The following BNIP5 variants were observed in gnomAD, a reference collection of about 807,000 sequenced individuals.
BNIP5 encodes the protein BCL2 interacting protein 5.
BNIP5 carries 61 observed loss-of-function variants against 67.3 expected under a neutral mutation model. The ratio of observed to expected loss-of-function variants is 0.91; its 90% CI spans 0.74 to 1.12. The LOEUF (loss-of-function observed/expected upper bound fraction) is 1.12, where lower values mean the gene tolerates loss of function less well. Among genes scored for constraint, BNIP5 ranks in the 50% most tolerant of loss-of-function variants. The pLI, the probability that BNIP5 is intolerant of heterozygous loss-of-function variation, is 0.00. For synonymous variants in BNIP5, 317 were observed against 319.0 expected, an observed-to-expected ratio of 0.99 and a Z score of 0.07; for missense variants, 826 against 816.3, an observed-to-expected ratio of 1.01 and a Z score of -0.14.
rs150983234 is a variant in BNIP5, at chr6:36,335,542, C to T, written c.-5+1170G>A. Among the ~76,000 whole-genome samples the T allele has an allele frequency of 4.8e-3, 732 of 152,354 alleles. 3 individuals carry two copies. Among genetic ancestry groups the T allele is most frequent in the African/African-American group, 0.017 (700 of 41,580 alleles). ...TGTGACCAAGCTCACCGCTTGCCATCGGTCCTAACTCTAAATTCCATGAGA... is the reference window on the plus strand; with the variant it reads ...TGTGACCAAGCTCACCGCTTGCCATTGGTCCTAACTCTAAATTCCATGAGA... On this transcript the variant is annotated intron_variant, in intron 1 of 11. Coordinates refer to ENST00000437635, the MANE Select transcript of BNIP5 (RefSeq NM_001010903.5).
intron 11 of BNIP5, among the ~76,000 whole-genome samples, chr6:36,318,019 C>T (rs1424135637): frequency 6.6e-6 from 1 of 152,228 alleles, no homozygotes; most frequent in East Asian, 1.9e-4. Context: ...AGAGAGAGGT[C>T]CATGGTAAGG....
chr6:36,326,278 T>G (rs1429623610), intron 5 of BNIP5, among the ~76,000 whole-genome samples: 1 of 152,218 alleles, frequency 6.6e-6, no homozygotes, highest in Admixed American at 6.5e-5. Context: ...GAACATAATT[T>G]CCATCAAGGG....
At position 36,326,684 on chromosome 6, in the gene BNIP5, C is replaced by G. The variant is rs771547228; in HGVS notation, c.862G>C (p.Glu288Gln). Residue 288 changes from glutamate to glutamine, a missense_variant, in exon 5 of 12, where the codon GAG (glutamate) becomes CAG (glutamine). Transcript: ENST00000437635. ...GTTCTCTTGAGGCTTGTCTTTTTCT[C>G]TTGGGATTTCTTCCTAACAGCTGGT... ...PAPAVRKKSQ[E>Q]KKTSLKRTSK... 1.9e-6 allele frequency: 3 copies of G among 1,614,196 alleles called. No individual in the cohort carries two copies. The highest frequency in any genetic ancestry group is 1.7e-5 in the Admixed American group (1 of 60,022).
rs956823578 is a variant in BNIP5, at chr6:36,317,054, G to A, written c.*302C>T. On this transcript the variant is annotated 3_prime_UTR_variant, in exon 12 of 12. Transcript: ENST00000437635. ...CCTAGACTCCAAAGTCTGGAGAGGA[G>A]GGGGAATGTGTAGAGGGTCATGCAG... 6 of 469,112 alleles carry A rather than the reference G, an allele frequency of 1.3e-5. No individual in the cohort carries two copies. Among genetic ancestry groups the A allele is most frequent in the African/African-American group, 9.9e-5 (5 of 50,268 alleles). 29.1% of individuals were successfully genotyped at this position (469,112 alleles called of 1,614,324 possible). A position where few individuals can be genotyped will look rare whatever the true frequency, so the allele number is the denominator to read the frequency against.
At chr6:36,318,591 A>G (rs555984165) in intron 11 of BNIP5, among the ~76,000 whole-genome samples, 1 of 151,708 alleles carries the variant, frequency 6.6e-6, no homozygotes, top group East Asian at 1.9e-4. Context: ...GCGTGGTGGC[A>G]TGCTCCTGTA....
At chr6:36,333,258 G>A (rs750894688) in intron 1 of BNIP5, among the ~76,000 whole-genome samples, 62 of 152,374 alleles carry the variant, frequency 4.1e-4, no homozygotes, top group Non-Finnish European at 6.8e-4. Flanking sequence ...GTGTCCACAC[G>A]TGGACGACCT....
At position 36,330,604 on chromosome 6, in the gene BNIP5, C is replaced by G. The variant is rs377308284; in HGVS notation, c.87G>C (p.Ser29=). ...AGAGCCAATGGCAGTCCCACGACTC[C>G]GAGCCTTTCCCGGGGGCCTGCGGCC... The part of the protein sequence containing the change: ...LDRPQAPGKG[S]ESWDCHWLSL... Residue 29 remains serine (S), a synonymous_variant, in exon 2 of 12, where the codon TCG becomes TCC. Transcript: ENST00000437635. 3.7e-6 allele frequency: 6 copies of G among 1,611,698 alleles called. No homozygotes were observed. Among genetic ancestry groups the G allele is most frequent in the South Asian group, 3.3e-5 (3 of 91,082 alleles).
chr6:36,318,108 A>T (rs1368142987), intron 11 of BNIP5, among the ~76,000 whole-genome samples: 1 of 152,260 alleles, frequency 6.6e-6, no homozygotes, highest in Admixed American at 6.5e-5. Flanking sequence ...GAAATAAGCC[A>T]GCTCTCTTGA....
At chr6:36,332,508 T>A (rs1207559428) in intron 1 of BNIP5, among the ~76,000 whole-genome samples, 1 of 152,196 alleles carries the variant, frequency 6.6e-6, no homozygotes, top group Non-Finnish European at 1.5e-5. Context: ...GTCTAGCATA[T>A]CACTGCCACT....
At position 36,316,967 on chromosome 6, in the gene BNIP5, A is replaced by T. The variant is rs898904341; in HGVS notation, c.*389T>A. The T allele has an allele frequency of 9.0e-5, 38 of 423,074 alleles. No individual in the cohort carries two copies. Among genetic ancestry groups the T allele is most frequent in the African/African-American group, 6.7e-4 (33 of 49,164 alleles). The allele number at this position is 423,074 out of a possible 1,614,324, so 26.2% of individuals were successfully genotyped here. A position where few individuals can be genotyped will look rare whatever the true frequency, so the allele number is the denominator to read the frequency against. ...TAGAGATTAAATAAAAATTTAGTTT[A>T]AAAACTAGACTCAGTTAACATGAAC... is the stretch of plus-strand genomic sequence containing the variant. On this transcript the variant is annotated 3_prime_UTR_variant, in exon 12 of 12. Coordinates refer to ENST00000437635, the MANE Select transcript of BNIP5 (RefSeq NM_001010903.5).
At chr6:36,319,744 C>T in intron 10 of BNIP5, 134 bp from the exon 11 acceptor site, 1 of 975,224 alleles carries the variant, frequency 1.0e-6, no homozygotes, top group Non-Finnish European at 1.5e-6. Flanking sequence ...TTACATCCCT[C>T]CACTGCCCCT....
Position 36,319,351 on chromosome 6 carries a change from C to G in BNIP5, c.1923+5G>C, listed in dbSNP as rs774937254. On this transcript the variant is annotated splice_donor_5th_base_variant and intron_variant, in intron 11 of 11. Coordinates refer to ENST00000437635, the MANE Select transcript of BNIP5 (RefSeq NM_001010903.5). ...ATTGCCATTGTCTTCCCCGCCCTCT[C>G]TCACCGGCTGGTCCTCCCTGTATGG... is the stretch of plus-strand genomic sequence containing the variant. 1.2e-6 allele frequency: 2 copies of G among 1,613,128 alleles called. No individual in the cohort carries two copies. The highest frequency in any genetic ancestry group is 2.2e-5 in the East Asian group (1 of 44,876).
chr6:36,331,536 C>T (rs567963341), intron 1 of BNIP5, among the ~76,000 whole-genome samples: 313 of 152,260 alleles, frequency 2.1e-3, no homozygotes, highest in African/African-American at 7.2e-3. Context: ...TTTCTGGCCC[C>T]GTGTTCTCAT....
intron 1 of BNIP5, among the ~76,000 whole-genome samples, chr6:36,333,585 G>T (rs1181993180): frequency 6.6e-6 from 1 of 152,174 alleles, no homozygotes; most frequent in Non-Finnish European, 1.5e-5. Context: ...CAGTGCTAGG[G>T]ATACAATCAT....
At chr6:36,325,080 A>C (rs1771730963) in intron 6 of BNIP5, among the ~76,000 whole-genome samples, 1 of 152,048 alleles carries the variant, frequency 6.6e-6, no homozygotes, top group South Asian at 2.1e-4. Context: ...AAGCACCAAC[A>C]CTATCGCCAT....
rs1021587315 is a variant in BNIP5, at chr6:36,321,715, T to C, written c.1604-496A>G. ...AATATTCAGGAAATTTGTGGACTAG[T>C]TGTTTTGTTTTAGACAGAGTCTCGC... On this transcript the variant is annotated intron_variant, in intron 9 of 11. Transcript: ENST00000437635. Among the ~76,000 whole-genome samples the C allele has an allele frequency of 3.3e-5, 5 of 152,170 alleles. No homozygotes were observed. In the East Asian group the frequency reaches 9.6e-4, roughly 29 times the overall value.
chr6:36,323,485 G>A lies in BNIP5; in HGVS notation c.1279C>T (p.His427Tyr), dbSNP rs1174682376. ...EEVGVENPAP[H>Y]CRRKSQEKRS... ...TTTTCTTGAGATTTCCTTCTGCAGT[G>A]TGGGGCCGGGTTTTCTACACCCACC... Residue 427 changes from histidine to tyrosine, a missense_variant, in exon 8 of 12, where the codon CAC (histidine) becomes TAC (tyrosine). Transcript: ENST00000437635. 1 of 1,614,234 alleles carries A rather than the reference G, an allele frequency of 6.2e-7. No individual in the cohort carries two copies. Among genetic ancestry groups the A allele is most frequent in the Non-Finnish European group, 8.5e-7 (1 of 1,180,046 alleles).
In BNIP5 at chr6:36,316,001, C is replaced by G. The variant is rs1420077316; in HGVS notation, c.*1355G>C. On this transcript the variant is annotated 3_prime_UTR_variant, in exon 12 of 12. Coordinates refer to ENST00000437635, the MANE Select transcript of BNIP5 (RefSeq NM_001010903.5). ...CAAATAGCTCACCTCTCCCCCACTT[C>G]TCAGAAGCAGCAATAAAAACTAAAT... 1.3e-5 allele frequency: 2 copies of G among 153,346 alleles called. No homozygotes were observed. The highest frequency in any genetic ancestry group is 4.8e-5 in the African/African-American group (2 of 41,486). 9.5% of individuals were successfully genotyped at this position (153,346 alleles called of 1,614,324 possible).
At chr6:36,319,692 G>A in intron 10 of BNIP5, 82 bp from the exon 11 acceptor site, 1 of 1,497,232 alleles carries the variant, frequency 6.7e-7, no homozygotes, top group Non-Finnish European at 9.1e-7. Context: ...ACTCCATGCA[G>A]CCAGGCGGGG....
Sources: gnomAD v4.1 joint callset for allele counts (sites outside exome capture counted in the v4.1 genomes callset) on GRCh38, gnomAD v4.1.1 for gene constraint, MANE v1.5 for transcripts, NCBI Gene and HGNC (gene_info 2026-07-23, HGNC 2026-07-21) for gene names.